PJA2: variants seen among roughly 807,000 people sequenced by gnomAD.
The protein encoded by PJA2 is praja ring finger ubiquitin ligase 2, also known as E3 ubiquitin-protein ligase Praja-2.
In PJA2, 25 loss-of-function variants were observed where a neutral mutation model predicts 69.3. That is an observed-to-expected ratio of 0.36 (90% confidence interval 0.26 to 0.50). The LOEUF (loss-of-function observed/expected upper bound fraction) is 0.50, where lower values mean the gene tolerates loss of function less well. PJA2 is among the 20% of genes least tolerant of loss of function. The probability of loss-of-function intolerance (pLI) is 0.96; values close to 1 mark genes in which losing one functional copy is unlikely to be tolerated. For missense variants in PJA2, 809 were observed against 830.2 expected (o/e 0.97, Z 0.31); for synonymous variants, 308 against 277.8 (o/e 1.11, Z -1.08).
At chr5:109,372,431 G>C (rs1275751976) in intron 4 of PJA2, among the ~76,000 whole-genome samples, 1 of 152,008 alleles carries the variant, frequency 6.6e-6, no homozygotes, top group Non-Finnish European at 1.5e-5. Flanking sequence ...GTATAAAATC[G>C]CTTCTTTTGT....
At chr5:109,394,197 G>A (rs191648483) in intron 1 of PJA2, among the ~76,000 whole-genome samples, 23 of 151,870 alleles carry the variant, frequency 1.5e-4, no homozygotes, top group Admixed American at 5.2e-4. Context: ...ATAGGTACCC[G>A]CCACCATGCC....
At chr5:109,361,873 GATGTTCAGTTTCCC>G (rs1762511984) in intron 6 of PJA2, among the ~76,000 whole-genome samples, 2 of 152,198 alleles carry the variant, frequency 1.3e-5, no homozygotes, top group Admixed American at 1.3e-4. Flanking sequence ...ATCTCAAGAA[GATGTTCAGTTTCCC>G]ATCTGGAACA....
chr5:109,341,199 G>A (rs879303639), intron 9 of PJA2, among the ~76,000 whole-genome samples: 1,596 of 133,246 alleles, frequency 0.012, 5 homozygotes, highest in Non-Finnish European at 0.02. Context: ...AGTGAGGAGC[G>A]CCTCTTCCCA....
At chr5:109,400,500 C>CGG (rs1390477716) in intron 1 of PJA2, among the ~76,000 whole-genome samples, 9 of 64,746 alleles carry the variant, frequency 1.4e-4, no homozygotes, top group African/African-American at 3.5e-4. Flanking sequence ...GGGGGAAGGG[C>CGG]GGGGGGGTGT....
intron 1 of PJA2, among the ~76,000 whole-genome samples, chr5:109,391,612 T>C (rs1036034651): frequency 6.6e-6 from 1 of 151,832 alleles, no homozygotes; most frequent in Non-Finnish European, 1.5e-5. Context: ...ACCAAGTGAG[T>C]GTGCTTGTCA....
intron 1 of PJA2, among the ~76,000 whole-genome samples, chr5:109,389,443 C>A (rs1433123114): frequency 6.6e-6 from 1 of 152,020 alleles, no homozygotes; most frequent in Non-Finnish European, 1.5e-5. Context: ...GTACATAATT[C>A]CCTTTCATTA....
At chr5:109,406,464 C>A (rs1017023009) in intron 1 of PJA2, among the ~76,000 whole-genome samples, 1 of 152,022 alleles carries the variant, frequency 6.6e-6, no homozygotes, top group African/African-American at 2.4e-5. Flanking sequence ...AATCAAAATC[C>A]CAGTATGATA....
chr5:109,388,104 G>A (rs1747199566), intron 1 of PJA2, among the ~76,000 whole-genome samples: 1 of 152,124 alleles, frequency 6.6e-6, no homozygotes, highest in Non-Finnish European at 1.5e-5. Flanking sequence ...TGTGTGTGAT[G>A]TGCAAGAATA....
At position 109,409,968 on chromosome 5, in the gene PJA2, C is replaced by CGGCGGTGGCGGCGGCGGAAGCAGA. The variant is rs1403932501; in HGVS notation, c.-215_-214insTCTGCTTCCGCCGCCGCCACCGCC. On this transcript the variant is annotated 5_prime_UTR_variant, in exon 1 of 10. Coordinates refer to ENST00000361189, the MANE Select transcript of PJA2 (RefSeq NM_014819.5). ...CGGCTGGCGGCTGTGGCGGCGGCGG[C>CGGCGGTGGCGGCGGCGGAAGCAGA]GGCGGTGGCGGCGGCGGAAGCAGAG... The CGGCGGTGGCGGCGGCGGAAGCAGA allele has an allele frequency of 8.9e-4, 193 of 215,778 alleles. 2 individuals are homozygous for CGGCGGTGGCGGCGGCGGAAGCAGA. The highest frequency in any genetic ancestry group is 1.1e-3 in the Non-Finnish European group (119 of 109,754). The allele number at this position is 215,778 out of a possible 1,614,324, so 13.4% of individuals were successfully genotyped here. A position where few individuals can be genotyped will look rare whatever the true frequency, so the allele number is the denominator to read the frequency against.
At chr5:109,403,813 T>C (rs1249148126) in intron 1 of PJA2, among the ~76,000 whole-genome samples, 3 of 149,746 alleles carry the variant, frequency 2.0e-5, no homozygotes, top group Non-Finnish European at 4.4e-5. Context: ...GGCTCATGCC[T>C]GTAATCCCAA....
intron 7 of PJA2, among the ~76,000 whole-genome samples, chr5:109,350,103 G>T (rs1225729556): frequency 6.6e-6 from 1 of 152,082 alleles, no homozygotes; most frequent in Non-Finnish European, 1.5e-5. Context: ...GTCTCAATGG[G>T]TTCATTATCT....
In PJA2 at chr5:109,379,148, A is replaced by G. The variant is rs981556101; in HGVS notation, c.339T>C (p.Thr113=). The part of the protein sequence containing the change: ...PTCGSALNQT[T]ESSQSFVAVH... ...CTGCAACAAAGGATTGACTGCTCTC[A>G]GTGGTTTGATTCAATGCTGAACCAC... The change falls in exon 4 of 10, where the codon ACT becomes ACC. Residue 113 remains threonine, a synonymous_variant. Coordinates refer to ENST00000361189, the MANE Select transcript of PJA2 (RefSeq NM_014819.5). The G allele has an allele frequency of 1.9e-6, 3 of 1,614,132 alleles. No individual in the cohort carries two copies. The highest frequency in any genetic ancestry group is 2.7e-5 in the African/African-American group (2 of 75,042).
intron 9 of PJA2, among the ~76,000 whole-genome samples, chr5:109,342,769 G>A (rs1331520045): frequency 1.8e-3 from 208 of 116,572 alleles, no homozygotes; most frequent in Non-Finnish European, 2.2e-3. Flanking sequence ...CTGCCCGGCC[G>A]CCCCTACTGG....
rs1279181447 is a variant in PJA2 at position 109,336,494 on chromosome 5, T to TA, written c.*736dup. 2 of 152,240 alleles carry TA rather than the reference T, an allele frequency of 1.3e-5. No individual in the cohort carries two copies. The highest frequency in any genetic ancestry group is 2.1e-4 in the South Asian group (1 of 4,818). 9.4% of individuals were successfully genotyped at this position (152,240 alleles called of 1,614,324 possible). Reference sequence around the variant, plus strand: ...GGGTAAGAGGTTAGAAAGAGTTTCATAAGGCCATCTAATTCAGCTCATTGT... The same window carrying TA: ...GGGTAAGAGGTTAGAAAGAGTTTCATAAAGGCCATCTAATTCAGCTCATTGT... On this transcript the variant is annotated 3_prime_UTR_variant, in exon 10 of 10. Coordinates refer to ENST00000361189, the MANE Select transcript of PJA2 (RefSeq NM_014819.5).
intron 1 of PJA2, among the ~76,000 whole-genome samples, chr5:109,400,631 C>G (rs1747521333): frequency 6.6e-6 from 1 of 152,072 alleles, no homozygotes; most frequent in South Asian, 2.1e-4. Flanking sequence ...AAATACAAAA[C>G]ACACAAAAAT....
intron 1 of PJA2, among the ~76,000 whole-genome samples, chr5:109,386,038 A>T (rs1747148152): frequency 6.6e-6 from 1 of 152,060 alleles, no homozygotes; most frequent in Non-Finnish European, 1.5e-5. Flanking sequence ...TTTTGGGGCC[A>T]GGTGCAGTTG....
chr5:109,380,848 C>A (rs1035544828), intron 3 of PJA2, among the ~76,000 whole-genome samples: 3 of 149,276 alleles, frequency 2.0e-5, no homozygotes, highest in Non-Finnish European at 4.5e-5. Flanking sequence ...GTGACTCACA[C>A]CTGTAATCCC....
At chr5:109,359,372 C>A (rs987861153) in intron 6 of PJA2, among the ~76,000 whole-genome samples, 1 of 151,736 alleles carries the variant, frequency 6.6e-6, no homozygotes, top group Admixed American at 6.6e-5. Flanking sequence ...GGGATCAGCA[C>A]CCCTAACCCG....
intron 1 of PJA2, among the ~76,000 whole-genome samples, chr5:109,390,144 A>G (rs1224796021): frequency 6.6e-6 from 1 of 152,040 alleles, no homozygotes; most frequent in African/African-American, 2.4e-5. Context: ...TTCCTTTACT[A>G]AAACTTTTTT....
Sources: allele counts gnomAD v4.1 joint callset (sites outside exome capture counted in the v4.1 genomes callset), GRCh38; gene constraint gnomAD v4.1.1; transcripts MANE v1.5; gene names NCBI Gene and HGNC (gene_info 2026-07-23, HGNC 2026-07-21).